BLOC1S3: variants seen among roughly 807,000 people sequenced by gnomAD.
BLOC1S3 encodes the protein biogenesis of lysosomal organelles complex 1 subunit 3.
Under a neutral mutation model 9.1 loss-of-function variants are expected in BLOC1S3, and 7 were observed. The ratio of observed to expected loss-of-function variants is 0.77; its 90% CI spans 0.44 to 1.45. BLOC1S3 has a LOEUF of 1.45. Ranked by LOEUF, BLOC1S3 falls within the 40% of genes most tolerant of loss-of-function variation. The pLI is 0.01. For synonymous variants in BLOC1S3, 145 were observed against 158.4 expected, an observed-to-expected ratio of 0.92 and a Z score of 0.64; for missense variants, 307 against 315.2, an observed-to-expected ratio of 0.97 and a Z score of 0.20.
At chr19:45,203,562 G>A (rs1303985912) in intron 3 of BLOC1S3, among the ~76,000 whole-genome samples, 2 of 152,062 alleles carry the variant, frequency 1.3e-5, no homozygotes, top group East Asian at 1.9e-4. Context: ...ATGAGCCACC[G>A]CGCCCAGCCT....
At chr19:45,207,237 A>T (rs1012673880) in intron 3 of BLOC1S3, among the ~76,000 whole-genome samples, 5 of 150,312 alleles carry the variant, frequency 3.3e-5, no homozygotes, top group African/African-American at 1.2e-4. Context: ...GGTTCAAGTG[A>T]TTTTCCTGCC....
chr19:45,188,816 C>T (rs949449717), intron 2 of BLOC1S3, among the ~76,000 whole-genome samples: 1 of 151,946 alleles, frequency 6.6e-6, no homozygotes, highest in African/African-American at 2.4e-5. Context: ...AGGTGATCCA[C>T]CCACCTTGGC....
At position 45,179,975 on chromosome 19, in the gene BLOC1S3, T is replaced by C. The variant is rs1969492801; in HGVS notation, c.*70T>C. On this transcript the variant is annotated 3_prime_UTR_variant, in exon 2 of 2. Transcript: ENST00000433642. The surrounding 1 kb of genome is among the most constrained non-coding windows in gnomAD (Gnocchi z 4.6). ...TTGCTGCCTCTGGGACCTGACTCTG[T>C]CTCCTGTGTCTCTTATCACCCCCCA... 3.2e-6 allele frequency: 5 copies of C among 1,539,686 alleles called. No individual in the cohort carries two copies. The South Asian group carries it at 4.7e-5, about 15-fold the overall frequency.
At chr19:45,184,638 C>T (rs757692800), downstream of BLOC1S3, among the ~76,000 whole-genome samples, 45 of 152,126 alleles carry the variant, frequency 3.0e-4, no homozygotes, top group Middle Eastern at 3.4e-3. Flanking sequence ...TGGTGGCTCA[C>T]GCCTGTAATC....
intron 3 of BLOC1S3, among the ~76,000 whole-genome samples, chr19:45,208,048 C>T (rs993530030): frequency 7.9e-5 from 12 of 151,170 alleles, no homozygotes; most frequent in African/African-American, 2.7e-4. Flanking sequence ...AATCTTGGCT[C>T]ATCGCAACCT....
intron 3 of BLOC1S3, among the ~76,000 whole-genome samples, chr19:45,208,443 C>G (rs1277042756): frequency 4.6e-5 from 7 of 150,674 alleles, no homozygotes; most frequent in Admixed American, 4.0e-4. Flanking sequence ...GCTGTCTCTG[C>G]TAAAAATACA....
intron 1 of BLOC1S3, among the ~76,000 whole-genome samples, 168 bp downstream of exon 1, chr19:45,178,999 C>A (rs138914315): frequency 1.2e-3 from 182 of 152,304 alleles, no homozygotes; most frequent in African/African-American, 4.3e-3. Context: ...GGTGTGGCCT[C>A]TACTAGGAGG....
At chr19:45,195,444 T>C (rs1250065070) in intron 2 of BLOC1S3, among the ~76,000 whole-genome samples, 1 of 152,084 alleles carries the variant, frequency 6.6e-6, no homozygotes, top group Non-Finnish European at 1.5e-5. Flanking sequence ...TGCACTCAAG[T>C]GATCCGCCCA....
intron 3 of BLOC1S3, among the ~76,000 whole-genome samples, chr19:45,208,436 G>A (rs980374158): frequency 4.6e-5 from 7 of 151,442 alleles, no homozygotes; most frequent in Non-Finnish European, 7.4e-5. Flanking sequence ...GCAAAACGCT[G>A]TCTCTGCTAA....
intron 3 of BLOC1S3, chr19:45,215,924 A>T: frequency 1.8e-6 from 2 of 1,122,578 alleles, no homozygotes; most frequent in South Asian, 1.6e-5. Context: ...AAATCTTATT[A>T]ATAATGCCCT....
intron 2 of BLOC1S3, among the ~76,000 whole-genome samples, chr19:45,193,132 C>CAAAAAAAAAAAAAAAAAAAAAAAAAAA (rs71173123): frequency 1.3e-5 from 1 of 77,928 alleles, no homozygotes. Flanking sequence ...AACTCCGTCT[C>CAAAAAAAAAAAAAAAAAAAAAAAAAAA]AAAAAAAAAA....
intron 3 of BLOC1S3, among the ~76,000 whole-genome samples, chr19:45,206,449 A>ATTTTTTTTTTTTTTTT (rs1401665312): frequency 1.4e-4 from 7 of 48,608 alleles, no homozygotes; most frequent in Non-Finnish European, 2.3e-4. Context: ...GGATTAATCA[A>ATTTTTTTTTTTTTTTT]GTTTTTTTTT....
intron 3 of BLOC1S3, among the ~76,000 whole-genome samples, chr19:45,209,878 T>C (rs1346424588): frequency 6.6e-6 from 1 of 151,392 alleles, no homozygotes; most frequent in Non-Finnish European, 1.5e-5. Flanking sequence ...ATTATAGGCA[T>C]GCGCCACCAC....
At chr19:45,206,667 C>A (rs923839219) in intron 3 of BLOC1S3, among the ~76,000 whole-genome samples, 1 of 150,308 alleles carries the variant, frequency 6.7e-6, no homozygotes, top group African/African-American at 2.4e-5. Flanking sequence ...CATGTGCTGC[C>A]CAGGCTGGAC....
In BLOC1S3 at chr19:45,180,022, C is replaced by A; in HGVS notation, c.*117C>A. 2 of 1,250,152 alleles carry A rather than the reference C, an allele frequency of 1.6e-6. No homozygotes were observed. Among genetic ancestry groups the A allele is most frequent in the Middle Eastern group, 2.0e-4 (1 of 5,100 alleles). The allele number at this position is 1,250,152 out of a possible 1,614,324, so 77.4% of individuals were successfully genotyped here. A position where few individuals can be genotyped will look rare whatever the true frequency, so the allele number is the denominator to read the frequency against. ...CCCACCCCCGCTCCCATCTTGGTGT[C>A]ACCCATGGGGGCTAATCCGGTCCCC... On this transcript the variant is annotated 3_prime_UTR_variant, in exon 2 of 2. Coordinates refer to ENST00000433642, the MANE Select transcript of BLOC1S3 (RefSeq NM_212550.5).
intron 3 of BLOC1S3, among the ~76,000 whole-genome samples, chr19:45,206,869 C>T (rs1216350728): frequency 2.6e-5 from 4 of 151,990 alleles, no homozygotes; most frequent in Non-Finnish European, 5.9e-5. Context: ...GAGAGTTTCA[C>T]TCTTGTCACC....
At chr19:45,211,025 T>C (rs530428840) in intron 3 of BLOC1S3, among the ~76,000 whole-genome samples, 1 of 152,218 alleles carries the variant, frequency 6.6e-6, no homozygotes, top group South Asian at 2.1e-4. Context: ...GGTGGGAGGA[T>C]CACTTGGGCT....
chr19:45,178,985 G>A (rs1041603814), intron 1 of BLOC1S3, among the ~76,000 whole-genome samples, 154 bp downstream of exon 1: 3 of 152,230 alleles, frequency 2.0e-5, no homozygotes, highest in South Asian at 2.1e-4. Flanking sequence ...TGGACCAGGT[G>A]GAGGGTGTGG....
At chr19:45,193,554 A>G (rs749196699) in intron 2 of BLOC1S3, among the ~76,000 whole-genome samples, 2 of 151,876 alleles carry the variant, frequency 1.3e-5, no homozygotes, top group Admixed American at 6.6e-5. Flanking sequence ...TTTTTACTAT[A>G]AATAAGCCAT....
Sources: gnomAD v4.1 joint callset for allele counts (sites outside exome capture counted in the v4.1 genomes callset) on GRCh38, gnomAD v4.1.1 for gene constraint, Gnocchi (gnomAD v3.1) non-coding constraint, MANE v1.5 for transcripts, NCBI Gene and HGNC (gene_info 2026-07-23, HGNC 2026-07-21) for gene names.